The following LYRM4 variants were observed in gnomAD, a reference collection of about 807,000 sequenced individuals.
The protein encoded by LYRM4 is LYR motif containing 4.
In LYRM4, 9 loss-of-function variants were observed where a neutral mutation model predicts 11.7. That is an observed-to-expected ratio of 0.77 (90% CI 0.46 to 1.34). The LOEUF (loss-of-function observed/expected upper bound fraction) is 1.34, where lower values mean the gene tolerates loss of function less well. Ranked by LOEUF, LYRM4 falls within the 40% of genes most tolerant of loss-of-function variation. LYRM4 has a pLI of 0.00. For synonymous variants in LYRM4, 42 were observed against 40.4 expected (o/e 1.04, Z -0.15); for missense variants, 133 against 112.5 (o/e 1.18, Z -0.82).
the LYRM4 span, chr6:5,066,930 C>T: frequency 8.9e-7 from 1 of 1,120,696 alleles, no homozygotes; most frequent in South Asian, 2.2e-5. Flanking sequence ...ACCAGCGCCC[C>T]CCAAGGCGGA....
intron 2 of LYRM4, among the ~76,000 whole-genome samples, chr6:5,121,339 G>C (rs950834235): frequency 1.3e-5 from 2 of 152,168 alleles, no homozygotes; most frequent in African/African-American, 4.8e-5. Flanking sequence ...CTGTACTTTA[G>C]AGGAGCTGGG....
chr6:5,086,016 C>CG, the LYRM4 span: 8 of 1,499,536 alleles, frequency 5.3e-6, no homozygotes, highest in Admixed American at 2.1e-5. Context: ...TGGAGCAGCT[C>CG]GGGGGGCTGC....
In LYRM4 at chr6:5,154,337, A is replaced by G. The variant is rs530062770; in HGVS notation, c.208-44846T>C. On this transcript the variant is annotated intron_variant, in intron 2 of 2. Coordinates refer to ENST00000330636, the MANE Select transcript of LYRM4 (RefSeq NM_020408.6). ...TGCAAACTGTGTCTATAGGAGTCTG[A>G]TTTTTAATATTTCACTGACCACCCC... 2.6e-5 allele frequency among the ~76,000 whole-genome samples: 4 copies of G among 152,308 alleles called. No homozygotes were observed. In the South Asian group the frequency reaches 8.3e-4, roughly 32 times the overall value.
intron 2 of LYRM4, among the ~76,000 whole-genome samples, chr6:5,175,847 T>C (rs1215999098): frequency 1.3e-5 from 2 of 152,104 alleles, no homozygotes; most frequent in Non-Finnish European, 2.9e-5. Flanking sequence ...GCTACCACGA[T>C]GTGAGGAAGC....
chr6:5,250,230 T>A (rs542306118), intron 1 of LYRM4, among the ~76,000 whole-genome samples: 1 of 152,124 alleles, frequency 6.6e-6, no homozygotes, highest in Non-Finnish European at 1.5e-5. Context: ...TTTTTGTAAG[T>A]TTTAAAAATG....
At chr6:5,142,023 C>CGG (rs368251009) in intron 2 of LYRM4, among the ~76,000 whole-genome samples, 7 of 151,958 alleles carry the variant, frequency 4.6e-5, no homozygotes, top group African/African-American at 1.7e-4. Context: ...GTGCATGTGT[C>CGG]GGGGGGGATG....
chr6:5,105,877 A>G (rs1298817366), downstream of LYRM4: 1 of 152,636 alleles, frequency 6.6e-6, no homozygotes, highest in East Asian at 1.9e-4. Flanking sequence ...GTTGCTCACC[A>G]TCCTTAGGCT....
Position 5,109,009 on chromosome 6 carries a change from G to A in LYRM4, c.*414C>T. On this transcript the variant is annotated 3_prime_UTR_variant, in exon 3 of 3. Transcript: ENST00000330636. ...TGAGGGCCCCCAACAGCCCTCTCCA[G>A]GCCTTGTATCAGTAGGAAATGAAAA... 9.9e-7 allele frequency: 1 copy of A among 1,008,906 alleles called. No individual in the cohort carries two copies. Among genetic ancestry groups the A allele is most frequent in the Non-Finnish European group, 1.2e-6 (1 of 842,810 alleles). The allele number at this position is 1,008,906 out of a possible 1,614,324, so 62.5% of individuals were successfully genotyped here. A position where few individuals can be genotyped will look rare whatever the true frequency, so the allele number is the denominator to read the frequency against.
chr6:5,180,884 GT>G (rs1216236533), intron 2 of LYRM4, among the ~76,000 whole-genome samples: 6 of 152,158 alleles, frequency 3.9e-5, no homozygotes, highest in African/African-American at 1.4e-4. Flanking sequence ...ACTCACCTTT[GT>G]TATCACTGCT....
chr6:5,144,054 A>G, intron 2 of LYRM4: 1 of 1,445,238 alleles, frequency 6.9e-7, no homozygotes, highest in South Asian at 1.3e-5. Flanking sequence ...CTCCCTGAAT[A>G]GCTGCTTCAT....
intron 1 of LYRM4, chr6:5,218,330 G>A (rs1438173774): frequency 1.0e-6 from 1 of 984,918 alleles, no homozygotes; most frequent in African/African-American, 1.7e-5. Flanking sequence ...AAAGAAATGA[G>A]AGGAGGGGAT....
At chr6:5,086,340 G>T in the LYRM4 span, 2 of 1,535,870 alleles carry the variant, frequency 1.3e-6, no homozygotes, top group South Asian at 1.2e-5. Context: ...GGGCCTCCGA[G>T]CCAGGGTCCG....
intron 1 of LYRM4, among the ~76,000 whole-genome samples, chr6:5,245,848 A>C (rs558157965): frequency 9.0e-4 from 137 of 152,354 alleles, no homozygotes; most frequent in African/African-American, 3.1e-3. Context: ...GGACAGCATG[A>C]GCACCAGGGA....
chr6:5,148,611 T>G (rs954716985), intron 2 of LYRM4, among the ~76,000 whole-genome samples: 1 of 146,388 alleles, frequency 6.8e-6, no homozygotes, highest in Non-Finnish European at 1.5e-5. Flanking sequence ...AAGTATTTTT[T>G]AATGAAAGAA....
chr6:5,249,889 T>C (rs1036306018), intron 1 of LYRM4, among the ~76,000 whole-genome samples: 8 of 152,326 alleles, frequency 5.3e-5, no homozygotes, highest in African/African-American at 1.7e-4. Flanking sequence ...AGAAGTAATA[T>C]GACATGAAGT....
rs1043670799 is a variant in LYRM4 at position 5,189,119 on chromosome 6, C to T, written c.207+27499G>A. Among the ~76,000 whole-genome samples, 6 of 152,158 alleles carry T rather than the reference C, an allele frequency of 3.9e-5. 1 individual carries two copies. Among genetic ancestry groups the T allele is most frequent in the African/African-American group, 1.2e-4 (5 of 41,438 alleles). On this transcript the variant is annotated intron_variant, in intron 2 of 2. Coordinates refer to ENST00000330636, the MANE Select transcript of LYRM4 (RefSeq NM_020408.6). ...AGGACCCCTTGTCTTGCTGTTTTCC[C>T]GTACTGTATTACATACAATTGTTAT...
intron 2 of LYRM4, chr6:5,136,919 C>T (rs1004068260): frequency 6.8e-6 from 5 of 734,558 alleles, no homozygotes; most frequent in Non-Finnish European, 8.3e-6. Context: ...CACAGTTGTG[C>T]ATCCATTACC....
At chr6:5,129,314 C>G (rs1360926386) in intron 2 of LYRM4, among the ~76,000 whole-genome samples, 2 of 152,210 alleles carry the variant, frequency 1.3e-5, no homozygotes, top group Admixed American at 1.3e-4. Flanking sequence ...CAAGTTTATT[C>G]TCTTACAGTT....
In LYRM4 at chr6:5,201,529, G is replaced by A. The variant is rs574049808; in HGVS notation, c.207+15089C>T. ...TTTTCAGCCTTCTGCGCTCAGCTCT[G>A]GGGCTGCCCTGCTGGGTCACCTGCT... On this transcript the variant is annotated intron_variant, in intron 2 of 2. Coordinates refer to ENST00000330636, the MANE Select transcript of LYRM4 (RefSeq NM_020408.6). 3.3e-5 allele frequency among the ~76,000 whole-genome samples: 5 copies of A among 152,272 alleles called. No individual in the cohort carries two copies. The East Asian group carries it at 9.7e-4, about 29-fold the overall frequency.
Sources: allele counts gnomAD v4.1 joint callset (sites outside exome capture counted in the v4.1 genomes callset), GRCh38; gene constraint gnomAD v4.1.1; transcripts MANE v1.5; gene names NCBI Gene and HGNC (gene_info 2026-07-23, HGNC 2026-07-21).